The following KCNU1 variants were observed in gnomAD, a reference collection of about 807,000 sequenced individuals.
KCNU1 encodes potassium calcium-activated channel subfamily U member 1, also known as potassium channel subfamily U member 1.
In KCNU1, 93 loss-of-function variants were observed where a neutral mutation model predicts 126.8. The observed-to-expected ratio is 0.73, with a 90% CI of 0.62 to 0.87. The LOEUF (loss-of-function observed/expected upper bound fraction) is 0.87, where lower values mean the gene tolerates loss of function less well. Ranked by LOEUF, KCNU1 falls within the 40% of genes least tolerant of loss-of-function variation. KCNU1 has a pLI of 0.00. For synonymous variants in KCNU1, 523 were observed against 494.2 expected, an observed-to-expected ratio of 1.06 and a Z score of -0.77; for missense variants, 1,330 against 1,367.1, an observed-to-expected ratio of 0.97 and a Z score of 0.43.
intron 2 of KCNU1, 67 bp from the exon 3 acceptor site, chr8:36,803,960 A>T: frequency 9.5e-7 from 1 of 1,056,400 alleles, no homozygotes; most frequent in Admixed American, 2.0e-5. Flanking sequence ...GAGAAAACAC[A>T]CTTTTGTCGA....
chr8:36,924,235 G>GGC (rs768197656), intron 24 of KCNU1, among the ~76,000 whole-genome samples: 6 of 152,202 alleles, frequency 3.9e-5, no homozygotes, highest in Non-Finnish European at 8.8e-5. Flanking sequence ...TTCAAGGGAA[G>GGC]AGCTGCAAAA....
At position 36,864,497 on chromosome 8, in the gene KCNU1, C is replaced by T. The variant is rs764096664; in HGVS notation, c.1985C>T (p.Ser662Leu). Residue 662 changes from serine (S) to leucine (L), a missense_variant, in exon 19 of 27, where the codon TCG becomes TTG. Around this residue, in one of 3 missense-constraint regions of KCNU1, gnomAD observed 1,054 missense variants for 1,053.9 expected, o/e 1.00. Coordinates refer to ENST00000399881, the MANE Select transcript of KCNU1 (RefSeq NM_001031836.3). ...CCGCCAAGGGTATCTGCAAGCACTT[C>T]GAGCATATCAAACTTCACCACCAGG... Reference protein sequence around the residue: ...DSPPRVSASTSSISNFTTRTL... With the variant: ...DSPPRVSASTLSISNFTTRTL... 34 of 1,610,620 alleles carry T rather than the reference C, an allele frequency of 2.1e-5. No individual in the cohort carries two copies. Among genetic ancestry groups the T allele is most frequent in the African/African-American group, 1.6e-4 (12 of 74,830 alleles).
At chr8:36,789,353 G>C (rs1462566420) in intron 2 of KCNU1, among the ~76,000 whole-genome samples, 1 of 151,208 alleles carries the variant, frequency 6.6e-6, no homozygotes, top group African/African-American at 2.4e-5. Context: ...GACAGAGAGA[G>C]ACCCCATCTA....
In KCNU1 at chr8:36,787,382, T is replaced by C. The variant is rs749069373; in HGVS notation, c.272T>C (p.Ile91Thr). The C allele has an allele frequency of 1.9e-6, 3 of 1,612,556 alleles. No homozygotes were observed. Among genetic ancestry groups the C allele is most frequent in the East Asian group, 2.2e-5 (1 of 44,824 alleles). ...LHFQGQFRDH[I>T]EMLLSAQTFV... ...TTCCAGGGACAATTTCGTGATCATA[T>C]AGAAATGTTGCTTTCAGCCCAGACC... Residue 91 changes from isoleucine to threonine, a missense_variant, in exon 2 of 27, where the codon ATA becomes ACA. Ile to Thr is a moderately conservative substitution (Grantham distance 89). Transcript: ENST00000399881.
chr8:36,922,441 A>G, intron 23 of KCNU1, 49 bp from the exon 24 acceptor site: 2 of 1,570,872 alleles, frequency 1.3e-6, no homozygotes, highest in Non-Finnish European at 8.6e-7. Flanking sequence ...CACTTCTTAT[A>G]TTCTTAACCT....
intron 5 of KCNU1, among the ~76,000 whole-genome samples, chr8:36,806,653 T>G (rs888184805): frequency 6.6e-6 from 1 of 152,188 alleles, no homozygotes; most frequent in Non-Finnish European, 1.5e-5. Context: ...CTCATTCCCC[T>G]GGTAGCACCT....
At chr8:36,894,210 G>C (rs1282382226) in intron 19 of KCNU1, among the ~76,000 whole-genome samples, 1 of 152,074 alleles carries the variant, frequency 6.6e-6, no homozygotes, top group African/African-American at 2.4e-5. Flanking sequence ...TTCAATGAAA[G>C]TATACTGTGG....
intron 19 of KCNU1, among the ~76,000 whole-genome samples, chr8:36,886,028 A>C (rs1469346961): frequency 1.3e-5 from 2 of 152,106 alleles, no homozygotes; most frequent in Non-Finnish European, 2.9e-5. Context: ...TTCATCATAC[A>C]ATCATATAAT....
At chr8:36,904,153 G>A (rs1807530877) in intron 19 of KCNU1, among the ~76,000 whole-genome samples, 3 of 152,152 alleles carry the variant, frequency 2.0e-5, no homozygotes, top group African/African-American at 7.2e-5. Context: ...AGGAATTGGT[G>A]TTAGAATGAG....
chr8:36,855,767 T>C (rs1231916937), intron 18 of KCNU1, among the ~76,000 whole-genome samples: 1 of 152,144 alleles, frequency 6.6e-6, no homozygotes, highest in Non-Finnish European at 1.5e-5. Context: ...TTTATTTTAT[T>C]TTTTTTCTGG....
At chr8:36,895,613 ATTC>A (rs1396549606) in intron 19 of KCNU1, among the ~76,000 whole-genome samples, 1 of 152,142 alleles carries the variant, frequency 6.6e-6, no homozygotes, top group Non-Finnish European at 1.5e-5. Context: ...AATTAATGTC[ATTC>A]TTCTTTATAT....
rs977943592 is a variant in KCNU1, at chr8:36,879,130, A to G, written c.2009+14609A>G. On this transcript the variant is annotated intron_variant, in intron 19 of 26. Transcript: ENST00000399881. ...TTCTTGCATTTTAATAAGGCTTGGAAACTTAGACGTTATTCACTGCAGCTG... is the reference window on the plus strand; with the variant it reads ...TTCTTGCATTTTAATAAGGCTTGGAGACTTAGACGTTATTCACTGCAGCTG... 2.1e-5 allele frequency among the ~76,000 whole-genome samples: 3 copies of G among 145,416 alleles called. No homozygotes were observed. In the Admixed American group the frequency reaches 2.1e-4, roughly 10 times the overall value.
intron 17 of KCNU1, 59 bp from the exon 18 acceptor site, chr8:36,845,743 C>T: frequency 1.4e-6 from 2 of 1,449,034 alleles, no homozygotes; most frequent in Non-Finnish European, 1.9e-6. Context: ...GAGTCAGCAC[C>T]ATGCCTCCTT....
At chr8:36,860,192 C>G (rs777528344) in intron 18 of KCNU1, among the ~76,000 whole-genome samples, 4 of 152,130 alleles carry the variant, frequency 2.6e-5, no homozygotes, top group African/African-American at 4.8e-5. Context: ...ATTCTCCTGC[C>G]TCAGCCTCCT....
chr8:36,784,743 A>G lies in KCNU1; in HGVS notation c.195+138A>G. 4 of 690,452 alleles carry G rather than the reference A, an allele frequency of 5.8e-6. No individual in the cohort carries two copies. The South Asian group carries it at 7.9e-5, about 14-fold the overall frequency. The allele number at this position is 690,452 out of a possible 1,614,324, so 42.8% of individuals were successfully genotyped here. A position where few individuals can be genotyped will look rare whatever the true frequency, so the allele number is the denominator to read the frequency against. On this transcript the variant is annotated intron_variant, in intron 1 of 26. Transcript: ENST00000399881. ...GCTTCTATAGCCTGGTGCCTCAGAA[A>G]GGGTGGTAAGCCAGACCTCAGGCCA...
Position 36,935,603 on chromosome 8 carries a change from A to G in KCNU1, c.3133A>G (p.Lys1045Glu), listed in dbSNP as rs1285415588. Reference protein sequence around the residue: ...CAIPFSTACYKRNEEFSLQKS... With the variant: ...CAIPFSTACYERNEEFSLQKS... ...CATACCCTTCAGCACTGCTTGTTAT[A>G]AAAGGAATGAAGAGTTCTCATTGCA... Residue 1045 changes from lysine to glutamate, a missense_variant, in exon 27 of 27, where the codon AAA (lysine) becomes GAA (glutamate). This residue lies in a region of KCNU1 where 1,054 missense variants were observed against 1,053.9 expected (regional missense o/e 1.00). Coordinates refer to ENST00000399881, the MANE Select transcript of KCNU1 (RefSeq NM_001031836.3). 6.2e-7 allele frequency: 1 copy of G among 1,613,284 alleles called. No homozygotes were observed.
chr8:36,821,094 AG>A (rs1804107315), intron 10 of KCNU1, among the ~76,000 whole-genome samples: 1 of 152,218 alleles, frequency 6.6e-6, no homozygotes, highest in South Asian at 2.1e-4. Context: ...AATGAAAAAA[AG>A]AAATGCTTCT....
intron 2 of KCNU1, among the ~76,000 whole-genome samples, chr8:36,788,219 C>T (rs1252162528): frequency 6.6e-6 from 1 of 152,090 alleles, no homozygotes; most frequent in African/African-American, 2.4e-5. Flanking sequence ...GGCATCCTAA[C>T]CTTACCTCTT....
At chr8:36,903,822 T>A (rs1011189297) in intron 19 of KCNU1, among the ~76,000 whole-genome samples, 6 of 152,098 alleles carry the variant, frequency 3.9e-5, no homozygotes, top group African/African-American at 1.4e-4. Flanking sequence ...AGCAAAGAAG[T>A]CCTTCTTCAC....
Sources: allele counts gnomAD v4.1 joint callset (sites outside exome capture counted in the v4.1 genomes callset), GRCh38; gene constraint gnomAD v4.1.1; regional missense constraint gnomAD v4.1.1; transcripts MANE v1.5; gene names NCBI Gene and HGNC (gene_info 2026-07-23, HGNC 2026-07-21).